Variants in ERBB4 observed in about 807,000 individuals in gnomAD.
ERBB4 encodes erb-b2 receptor tyrosine kinase 4.
In ERBB4, 42 loss-of-function variants were observed where a neutral mutation model predicts 158.0. The observed-to-expected ratio is 0.27, with a 90% CI of 0.21 to 0.34. The LOEUF (loss-of-function observed/expected upper bound fraction) is 0.34, where lower values mean the gene tolerates loss of function less well. ERBB4 is among the 10% of genes least tolerant of loss of function. The pLI is 1.00. For synonymous variants in ERBB4, 583 were observed against 558.7 expected, an observed-to-expected ratio of 1.04 and a Z score of -0.61; for missense variants, 1,333 against 1,624.1, an observed-to-expected ratio of 0.82 and a Z score of 3.08.
At chr2:211,947,076 G>T (rs839539) in intron 3 of ERBB4, among the ~76,000 whole-genome samples, 134,349 of 152,132 alleles carry the variant, frequency 0.88, 59,409 homozygotes, top group East Asian at 0.92. Context: ...ATTACTAAGC[G>T]CTAATGATAG....
At chr2:212,468,465 T>G (rs1375783543) in intron 1 of ERBB4, among the ~76,000 whole-genome samples, 2 of 152,142 alleles carry the variant, frequency 1.3e-5, no homozygotes, top group Non-Finnish European at 2.9e-5. Context: ...AATGGGAGTT[T>G]CTCTGCACAA....
intron 2 of ERBB4, among the ~76,000 whole-genome samples, chr2:212,107,820 T>C (rs2079277523): frequency 6.6e-6 from 1 of 152,210 alleles, no homozygotes; most frequent in South Asian, 2.1e-4. Context: ...GATAGTTTTA[T>C]AAAGGGGAGT....
chr2:212,435,654 C>A (rs1373564292), intron 1 of ERBB4, among the ~76,000 whole-genome samples: 8 of 151,846 alleles, frequency 5.3e-5, no homozygotes, highest in Non-Finnish European at 1.0e-4. Flanking sequence ...CTTTATCATG[C>A]ACACACGAAA....
intron 2 of ERBB4, among the ~76,000 whole-genome samples, chr2:212,036,307 G>C (rs2077010208): frequency 6.6e-6 from 1 of 151,998 alleles, no homozygotes; most frequent in African/African-American, 2.4e-5. Context: ...TTTCTGACTT[G>C]TTATGGGCAA....
intron 2 of ERBB4, among the ~76,000 whole-genome samples, chr2:212,042,803 T>A (rs943779431): frequency 7.9e-5 from 12 of 152,180 alleles, no homozygotes; most frequent in Admixed American, 2.0e-4. Flanking sequence ...ACCATTGTGA[T>A]CATTTGCTGC....
At chr2:211,843,344 T>C (rs1300175636) in intron 3 of ERBB4, among the ~76,000 whole-genome samples, 2 of 152,082 alleles carry the variant, frequency 1.3e-5, no homozygotes, top group Non-Finnish European at 2.9e-5. Context: ...AGATGCGTCC[T>C]AGAGCTTTGC....
At chr2:211,656,647 G>T (rs886097069) in intron 16 of ERBB4, among the ~76,000 whole-genome samples, 1 of 152,032 alleles carries the variant, frequency 6.6e-6, no homozygotes. Context: ...CTTATCCTCC[G>T]ATCTCCAGCT....
intron 1 of ERBB4, among the ~76,000 whole-genome samples, chr2:212,340,455 T>C (rs1004078326): frequency 3.3e-5 from 5 of 152,166 alleles, no homozygotes; most frequent in Admixed American, 3.3e-4. Context: ...GTAGAATCAG[T>C]GGGAGCCCTG....
At position 211,885,705 on chromosome 2, in the gene ERBB4, C is replaced by T. The variant is rs117681667; in HGVS notation, c.421+61725G>A. 1.4e-3 allele frequency among the ~76,000 whole-genome samples: 218 copies of T among 152,212 alleles called. 7 individuals carry two copies. In the East Asian group the frequency reaches 0.038, roughly 26 times the overall value. On this transcript the variant is annotated intron_variant, in intron 3 of 27. Transcript: ENST00000342788. ...GAACTACTGACCTCAGGTAATCTGC[C>T]CGCCTTGGCCTCCCAAATGCTGAGA...
At chr2:211,905,572 G>A (rs1207913101) in intron 3 of ERBB4, among the ~76,000 whole-genome samples, 1 of 147,924 alleles carries the variant, frequency 6.8e-6, no homozygotes, top group African/African-American at 2.5e-5. Flanking sequence ...ATGTTTGGAA[G>A]TGTTTTAAGT....
chr2:212,208,374 T>C (rs1417860470), intron 1 of ERBB4, among the ~76,000 whole-genome samples: 1 of 152,146 alleles, frequency 6.6e-6, no homozygotes, highest in Admixed American at 6.6e-5. Context: ...CTTCTTAGTA[T>C]ATAATACTAT....
At chr2:211,895,513 C>G (rs1326586792) in intron 3 of ERBB4, among the ~76,000 whole-genome samples, 1 of 152,146 alleles carries the variant, frequency 6.6e-6, no homozygotes, top group Non-Finnish European at 1.5e-5. Context: ...CCCACCTCAG[C>G]CTCCCAAAAT....
At chr2:211,690,817 G>C (rs933730026) in intron 12 of ERBB4, among the ~76,000 whole-genome samples, 1 of 152,106 alleles carries the variant, frequency 6.6e-6, no homozygotes, top group African/African-American at 2.4e-5. Context: ...AGTTCAAAAG[G>C]CCATTATAAA....
chr2:211,596,847 C>T (rs1202356050), intron 19 of ERBB4, among the ~76,000 whole-genome samples: 1 of 152,082 alleles, frequency 6.6e-6, no homozygotes, highest in East Asian at 1.9e-4. Flanking sequence ...TCACTGCAAC[C>T]TCCACCTCCC....
chr2:211,808,611 G>A (rs778313407), intron 3 of ERBB4, among the ~76,000 whole-genome samples: 15 of 152,116 alleles, frequency 9.9e-5, no homozygotes, highest in Non-Finnish European at 1.9e-4. Context: ...GGCAATGCAG[G>A]CTCTTTTTTG....
chr2:211,722,985 A>G (rs2074152048), intron 6 of ERBB4, among the ~76,000 whole-genome samples: 1 of 152,234 alleles, frequency 6.6e-6, no homozygotes. Flanking sequence ...GTAAGAAAAC[A>G]TTGTGATGGT....
intron 2 of ERBB4, among the ~76,000 whole-genome samples, chr2:212,124,133 T>C (rs551514307): frequency 5.3e-5 from 8 of 152,192 alleles, no homozygotes; most frequent in African/African-American, 1.9e-4. Flanking sequence ...TATAGATCAA[T>C]GAAAGCAAAA....
chr2:212,450,822 A>G (rs1047346170), intron 1 of ERBB4, among the ~76,000 whole-genome samples: 7 of 89,058 alleles, frequency 7.9e-5, no homozygotes, highest in Non-Finnish European at 1.5e-4. Context: ...TTCAGCCGAG[A>G]AAAAAAAAAA....
At chr2:212,015,073 T>A (rs1559320812) in intron 2 of ERBB4, among the ~76,000 whole-genome samples, 97 of 1,172 alleles carry the variant, frequency 0.083, 22 homozygotes, top group South Asian at 0.5. Flanking sequence ...TATATATATA[T>A]ATATATATAT....
Sources: gnomAD v4.1 joint callset for allele counts (sites outside exome capture counted in the v4.1 genomes callset) on GRCh38, gnomAD v4.1.1 for gene constraint, MANE v1.5 for transcripts, NCBI Gene and HGNC (gene_info 2026-07-23, HGNC 2026-07-21) for gene names.